Variants in CNTNAP2 observed in about 807,000 individuals in gnomAD.
The protein encoded by CNTNAP2 is contactin associated protein 2.
CNTNAP2 carries 98 observed loss-of-function variants against 155.2 expected under a neutral mutation model. The observed-to-expected ratio is 0.63, with a 90% CI of 0.54 to 0.75. The LOEUF (loss-of-function observed/expected upper bound fraction) is 0.75. Ranked by LOEUF, CNTNAP2 falls within the 30% of genes least tolerant of loss-of-function variation. The pLI is 0.00. For synonymous variants in CNTNAP2, 651 were observed against 631.2 expected, an observed-to-expected ratio of 1.03 and a Z score of -0.47; for missense variants, 1,727 against 1,688.1, an observed-to-expected ratio of 1.02 and a Z score of -0.40.
At chr7:148,323,841 C>G (rs1032054015) in intron 21 of CNTNAP2, among the ~76,000 whole-genome samples, 1 of 151,088 alleles carries the variant, frequency 6.6e-6, no homozygotes, top group Non-Finnish European at 1.5e-5. Context: ...TTCCGGCCTG[C>G]CTGTTTCTCA....
intron 4 of CNTNAP2, among the ~76,000 whole-genome samples, chr7:147,094,997 A>G (rs1415784449): frequency 3.3e-5 from 5 of 151,872 alleles, no homozygotes; most frequent in South Asian, 2.1e-4. Flanking sequence ...AGGGCAACGC[A>G]TCTTTCTGGG....
chr7:148,273,325 G>A (rs751771421), intron 21 of CNTNAP2, among the ~76,000 whole-genome samples: 2 of 152,128 alleles, frequency 1.3e-5, no homozygotes, highest in East Asian at 1.9e-4. Flanking sequence ...CAACTAGGGG[G>A]ATAACATTTA....
At chr7:147,793,778 T>A (rs2116577073) in intron 13 of CNTNAP2, among the ~76,000 whole-genome samples, 1 of 152,134 alleles carries the variant, frequency 6.6e-6, no homozygotes, top group Admixed American at 6.5e-5. Flanking sequence ...ATAAACAATA[T>A]TAAGTCTTTT....
At chr7:148,333,311 C>G (rs2116566667) in intron 21 of CNTNAP2, among the ~76,000 whole-genome samples, 1 of 152,008 alleles carries the variant, frequency 6.6e-6, no homozygotes, top group East Asian at 1.9e-4. Flanking sequence ...GCCTGTAATC[C>G]CAGCTACTCG....
At chr7:146,545,460 T>A (rs1180514572) in intron 1 of CNTNAP2, among the ~76,000 whole-genome samples, 1 of 151,788 alleles carries the variant, frequency 6.6e-6, no homozygotes, top group East Asian at 1.9e-4. Context: ...TCATCTACAT[T>A]AGGTATTTCT....
At chr7:147,414,432 T>TA (rs55692955) in intron 10 of CNTNAP2, among the ~76,000 whole-genome samples, 3,005 of 121,868 alleles carry the variant, frequency 0.025, 97 homozygotes, top group African/African-American at 0.074. Flanking sequence ...TCAAAAACAT[T>TA]AAAAAAAAAA....
At chr7:146,683,266 C>G (rs1464025470) in intron 1 of CNTNAP2, among the ~76,000 whole-genome samples, 1 of 152,166 alleles carries the variant, frequency 6.6e-6, no homozygotes, top group African/African-American at 2.4e-5. Context: ...CTCCTGACCT[C>G]AGGTGATATG....
intron 1 of CNTNAP2, among the ~76,000 whole-genome samples, chr7:146,299,737 A>C (rs190439335): frequency 2.4e-4 from 36 of 152,038 alleles, no homozygotes; most frequent in African/African-American, 8.4e-4. Context: ...GCAATTATGG[A>C]GGGGGTACGA....
At chr7:146,529,965 A>AAACAACAACAACAACAACAAC (rs59533423) in intron 1 of CNTNAP2, among the ~76,000 whole-genome samples, 11 of 150,636 alleles carry the variant, frequency 7.3e-5, no homozygotes, top group African/African-American at 2.7e-4. Flanking sequence ...CTCCGTCTCA[A>AAACAACAACAACAACAACAAC]AACAACAACA....
chr7:146,908,717 C>T (rs1413700962), intron 3 of CNTNAP2, among the ~76,000 whole-genome samples: 4 of 137,090 alleles, frequency 2.9e-5, no homozygotes, highest in Admixed American at 2.9e-4. Context: ...CCAAAATTGA[C>T]ACCCTAACAT....
chr7:147,180,355 T>G (rs1802429908), intron 8 of CNTNAP2, among the ~76,000 whole-genome samples: 1 of 152,186 alleles, frequency 6.6e-6, no homozygotes, highest in Non-Finnish European at 1.5e-5. Context: ...GAAATTACTC[T>G]TCCTATTTAC....
At chr7:146,339,769 CCAG>C (rs1563045671) in intron 1 of CNTNAP2, among the ~76,000 whole-genome samples, 1 of 152,070 alleles carries the variant, frequency 6.6e-6, no homozygotes, top group African/African-American at 2.4e-5. Context: ...TTGTTTAGAA[CCAG>C]TAACAGGGGA....
intron 1 of CNTNAP2, among the ~76,000 whole-genome samples, chr7:146,689,321 A>G (rs1024756017): frequency 6.6e-5 from 10 of 152,058 alleles, no homozygotes; most frequent in African/African-American, 2.4e-4. Context: ...AAAATGTATT[A>G]TGCATATTTT....
chr7:146,199,210 T>G lies in CNTNAP2; in HGVS notation c.97+82237T>G, dbSNP rs1412271222. ...TGGGGACACAATAACCTCTTAGAGA[T>G]AGAATCCAGCAAATGGAGTGGATGT... On this transcript the variant is annotated intron_variant, in intron 1 of 23. Coordinates refer to ENST00000361727, the MANE Select transcript of CNTNAP2 (RefSeq NM_014141.6). Among the ~76,000 whole-genome samples the G allele has an allele frequency of 3.3e-5, 5 of 152,230 alleles. No individual in the cohort carries two copies. The East Asian group carries it at 9.6e-4, about 29-fold the overall frequency.
At chr7:146,433,604 A>C (rs2535749) in intron 1 of CNTNAP2, among the ~76,000 whole-genome samples, 64,842 of 151,716 alleles carry the variant, frequency 0.43, 16,717 homozygotes, top group African/African-American at 0.72. Context: ...CATCTATATC[A>C]TAGTGGAGGA....
intron 1 of CNTNAP2, among the ~76,000 whole-genome samples, chr7:146,677,777 C>T (rs533934633): frequency 7.3e-5 from 11 of 151,580 alleles, no homozygotes; most frequent in Non-Finnish European, 1.3e-4. Flanking sequence ...ATTAGCTATA[C>T]GTTGTTCTCT....
chr7:147,039,073 C>T (rs987494815), intron 3 of CNTNAP2, among the ~76,000 whole-genome samples: 2 of 152,046 alleles, frequency 1.3e-5, no homozygotes, highest in African/African-American at 4.8e-5. Context: ...CTGGCCTTTG[C>T]ATAAACGATA....
intron 6 of CNTNAP2, among the ~76,000 whole-genome samples, chr7:147,126,896 C>A (rs1031787479): frequency 6.6e-6 from 1 of 152,170 alleles, no homozygotes; most frequent in African/African-American, 2.4e-5. Flanking sequence ...GCCTGCATTG[C>A]TTTTCCAGAG....
chr7:147,609,786 G>A (rs1260218042), intron 12 of CNTNAP2, among the ~76,000 whole-genome samples: 2 of 152,064 alleles, frequency 1.3e-5, no homozygotes, highest in African/African-American at 4.8e-5. Flanking sequence ...CATCACTGGA[G>A]AGAAACCTGA....
Sources: allele counts gnomAD v4.1 joint callset (sites outside exome capture counted in the v4.1 genomes callset), GRCh38; gene constraint gnomAD v4.1.1; transcripts MANE v1.5; gene names NCBI Gene and HGNC (gene_info 2026-07-23, HGNC 2026-07-21).